Variants in ASAP1 observed in about 807,000 individuals in gnomAD.
The protein encoded by ASAP1 is arf-GAP with SH3 domain, ANK repeat and PH domain-containing protein 1.
In ASAP1, 43 loss-of-function variants were observed where a neutral mutation model predicts 145.2. The ratio of observed to expected loss-of-function variants is 0.30; its 90% CI spans 0.23 to 0.38. The LOEUF (loss-of-function observed/expected upper bound fraction) is 0.38. Among genes scored for constraint, ASAP1 ranks in the 10% least tolerant of loss-of-function variants. The probability of loss-of-function intolerance (pLI) is 1.00; values close to 1 mark genes in which losing one functional copy is unlikely to be tolerated. For missense variants in ASAP1, 1,018 were observed against 1,355.3 expected (o/e 0.75, Z 3.91); for synonymous variants, 546 against 515.5 (o/e 1.06, Z -0.80).
At chr8:130,337,334 G>C (rs890565173) in intron 3 of ASAP1, among the ~76,000 whole-genome samples, 1 of 152,172 alleles carries the variant, frequency 6.6e-6, no homozygotes, top group African/African-American at 2.4e-5. Flanking sequence ...ATATTAATCA[G>C]TAATTGGGTT....
At chr8:130,099,861 T>C (rs1409144315) in intron 24 of ASAP1, among the ~76,000 whole-genome samples, 2 of 152,042 alleles carry the variant, frequency 1.3e-5, no homozygotes, top group Admixed American at 6.6e-5. Flanking sequence ...TTCATTTTTA[T>C]GGGAATAATA....
intron 9 of ASAP1, among the ~76,000 whole-genome samples, chr8:130,173,838 C>T (rs1427441695): frequency 2.0e-5 from 3 of 150,732 alleles, no homozygotes; most frequent in Non-Finnish European, 4.4e-5. Flanking sequence ...TTTGGGAGGC[C>T]GAGATGGGTA....
intron 1 of ASAP1, among the ~76,000 whole-genome samples, chr8:130,436,881 C>A (rs577319480): frequency 6.6e-6 from 1 of 151,884 alleles, no homozygotes; most frequent in Non-Finnish European, 1.5e-5. Flanking sequence ...CTGAGGCAGG[C>A]GGATTACCTA....
At chr8:130,361,790 T>G in intron 2 of ASAP1, 1 of 1,486,940 alleles carries the variant, frequency 6.7e-7, no homozygotes, top group Non-Finnish European at 9.1e-7. Flanking sequence ...AAATAGAGAC[T>G]GACATGGGCA....
intron 3 of ASAP1, among the ~76,000 whole-genome samples, chr8:130,351,597 G>A (rs558047675): frequency 1.2e-4 from 19 of 152,002 alleles, no homozygotes; most frequent in African/African-American, 4.3e-4. Flanking sequence ...GTCATGGCAG[G>A]AGGAGAAGTG....
intron 2 of ASAP1, among the ~76,000 whole-genome samples, chr8:130,381,697 A>G (rs140169739): frequency 1.3e-5 from 2 of 152,306 alleles, no homozygotes; most frequent in African/African-American, 4.8e-5. Flanking sequence ...AAGGCCTTAT[A>G]TGACCAGGCC....
At chr8:130,409,352 A>C (rs1236161436) in intron 1 of ASAP1, among the ~76,000 whole-genome samples, 1 of 152,100 alleles carries the variant, frequency 6.6e-6, no homozygotes, top group Non-Finnish European at 1.5e-5. Flanking sequence ...TTTTGTACTA[A>C]TCGCTAGGTC....
intron 11 of ASAP1, among the ~76,000 whole-genome samples, chr8:130,165,874 G>A (rs373622810): frequency 2.0e-5 from 3 of 152,320 alleles, no homozygotes; most frequent in South Asian, 2.1e-4. Flanking sequence ...TTTTATGGGA[G>A]TTGTTTTGTT....
intron 1 of ASAP1, among the ~76,000 whole-genome samples, chr8:130,418,940 T>C (rs1337893903): frequency 6.6e-6 from 1 of 152,106 alleles, no homozygotes; most frequent in Non-Finnish European, 1.5e-5. Flanking sequence ...TTCAGCGACA[T>C]GGGCCACAGG....
At chr8:130,066,541 CCCTTT>C (rs2097431072) in intron 27 of ASAP1, among the ~76,000 whole-genome samples, 1 of 152,050 alleles carries the variant, frequency 6.6e-6, no homozygotes, top group Non-Finnish European at 1.5e-5. Flanking sequence ...TCCTTTCCTT[CCCTTT>C]CTTTTCTTTC....
rs2097560069 is a variant in ASAP1 at position 130,118,483 on chromosome 8, C to T, written c.1794+6G>A. ...TTTTTATCCAATGATTTTAGTGAGGCCTTACCTGCCCAGGTTCCAGCAGTG... is the reference window on the plus strand; with the variant it reads ...TTTTTATCCAATGATTTTAGTGAGGTCTTACCTGCCCAGGTTCCAGCAGTG... On this transcript the variant is annotated splice_donor_region_variant and intron_variant, in intron 19 of 29. Coordinates refer to ENST00000518721, the MANE Select transcript of ASAP1 (RefSeq NM_018482.4). 2 of 1,600,292 alleles carry T rather than the reference C, an allele frequency of 1.2e-6. No homozygotes were observed. The highest frequency in any genetic ancestry group is 2.7e-5 in the African/African-American group (2 of 74,392).
chr8:130,063,888 G>A (rs1780602835), intron 27 of ASAP1, among the ~76,000 whole-genome samples: 2 of 152,148 alleles, frequency 1.3e-5, no homozygotes, highest in East Asian at 1.9e-4. Context: ...CACATTCCAC[G>A]AGAGGGTGAC....
At chr8:130,057,850 C>A in intron 29 of ASAP1, 104 bp downstream of exon 29, 1 of 1,459,044 alleles carries the variant, frequency 6.9e-7, no homozygotes, top group South Asian at 1.3e-5. Flanking sequence ...GGTCCTTGTG[C>A]TCAAGAGCCC....
intron 13 of ASAP1, among the ~76,000 whole-genome samples, chr8:130,150,089 C>T (rs1457447251): frequency 6.6e-6 from 1 of 152,234 alleles, no homozygotes; most frequent in Non-Finnish European, 1.5e-5. Context: ...CCACACATGG[C>T]ATGTTATCTC....
chr8:130,257,718 T>C (rs547093347), intron 3 of ASAP1, among the ~76,000 whole-genome samples: 1 of 152,200 alleles, frequency 6.6e-6, no homozygotes, highest in South Asian at 2.1e-4. Flanking sequence ...TAAAATTCAT[T>C]ACATTTCTGT....
chr8:130,354,126 G>A (rs1321727527), intron 3 of ASAP1, among the ~76,000 whole-genome samples: 1 of 152,032 alleles, frequency 6.6e-6, no homozygotes, highest in Non-Finnish European at 1.5e-5. Context: ...TCCTGGCCTC[G>A]TGTTCTGCCC....
chr8:130,312,455 A>G (rs1272363620), intron 3 of ASAP1, among the ~76,000 whole-genome samples: 5 of 75,876 alleles, frequency 6.6e-5, no homozygotes, highest in South Asian at 3.3e-4. Context: ...AAGGAGGGGA[A>G]AAAAAACCCA....
intron 3 of ASAP1, among the ~76,000 whole-genome samples, chr8:130,289,591 T>C (rs2137286922): frequency 6.6e-6 from 1 of 152,318 alleles, no homozygotes; most frequent in African/African-American, 2.4e-5. Flanking sequence ...TACTTTAAAA[T>C]GATGGCCCTA....
rs1196996261 is a variant in ASAP1 at position 130,136,843 on chromosome 8, A to G, written c.1168+108T>C. On this transcript the variant is annotated intron_variant, in intron 14 of 29. Transcript: ENST00000518721. ...AGCACATGCAGGAATAACTGTTCCAATGCCAACTGTGAGGAGCCCTGCTTG... is the reference window on the plus strand; with the variant it reads ...AGCACATGCAGGAATAACTGTTCCAGTGCCAACTGTGAGGAGCCCTGCTTG... 4.3e-6 allele frequency: 4 copies of G among 938,250 alleles called. No homozygotes were observed. The African/African-American group carries it at 4.9e-5, about 12-fold the overall frequency. The allele number at this position is 938,250 out of a possible 1,614,324, so 58.1% of individuals were successfully genotyped here.
Sources: gnomAD v4.1 joint callset for allele counts (sites outside exome capture counted in the v4.1 genomes callset) on GRCh38, gnomAD v4.1.1 for gene constraint, MANE v1.5 for transcripts, NCBI Gene and HGNC (gene_info 2026-07-23, HGNC 2026-07-21) for gene names.